The following NEXN variants were observed in gnomAD, a reference collection of about 807,000 sequenced individuals.
The protein encoded by NEXN is nexilin F-actin binding protein, also known as nexilin.
Under a neutral mutation model 92.6 loss-of-function variants are expected in NEXN, and 65 were observed. The ratio of observed to expected loss-of-function variants is 0.70; its 90% CI spans 0.57 to 0.86. The LOEUF (loss-of-function observed/expected upper bound fraction) is 0.86. NEXN is among the 40% of genes least tolerant of loss of function. The probability of loss-of-function intolerance (pLI) is 0.00; values close to 1 mark genes in which losing one functional copy is unlikely to be tolerated. For missense variants in NEXN, 778 were observed against 771.1 expected (o/e 1.01, Z -0.11); for synonymous variants, 254 against 242.5 (o/e 1.05, Z -0.44).
Position 77,942,058 on chromosome 1 carries a change from C to G in NEXN, c.1509C>G (p.Ser503Arg), listed in dbSNP as rs757578397. 1 of 1,613,292 alleles carries G rather than the reference C, an allele frequency of 6.2e-7. No homozygotes were observed. The highest frequency in any genetic ancestry group is 8.5e-7 in the Non-Finnish European group (1 of 1,179,502). ...DDVDVRPARK[S>R]EAPFTHKVNM... ...TTGATGTTAGGCCTGCAAGAAAAAG[C>G]GAGGCTCCATTTACTCACAAAGTGA... The change falls in exon 12 of 13, where the codon AGC (serine) becomes AGG (arginine). Residue 503 changes from serine to arginine, a missense_variant. This residue lies in a region of NEXN where 532 missense variants were observed against 476.7 expected (regional missense o/e 1.12). Coordinates refer to ENST00000334785, the MANE Select transcript of NEXN (RefSeq NM_144573.4).
intron 10 of NEXN, among the ~76,000 whole-genome samples, chr1:77,934,306 C>T (rs1246535046): frequency 6.6e-6 from 1 of 152,042 alleles, no homozygotes; most frequent in East Asian, 1.9e-4. Context: ...CCACCGCACC[C>T]GGCCTTTTTG....
At chr1:77,902,289 T>C (rs1030449939) in intron 1 of NEXN, among the ~76,000 whole-genome samples, 17 of 152,220 alleles carry the variant, frequency 1.1e-4, no homozygotes, top group Non-Finnish European at 2.1e-4. Flanking sequence ...GTTTCAGAAC[T>C]TTCCTTTAAC....
chr1:77,916,289 C>G (rs1237859526), intron 2 of NEXN, among the ~76,000 whole-genome samples, 156 bp downstream of exon 2: 1 of 152,050 alleles, frequency 6.6e-6, no homozygotes, highest in Non-Finnish European at 1.5e-5. Flanking sequence ...ATACAATTCA[C>G]CAGCTGGTCT....
At chr1:77,940,053 G>A (rs1651130174) in intron 11 of NEXN, among the ~76,000 whole-genome samples, 1 of 152,146 alleles carries the variant, frequency 6.6e-6, no homozygotes, top group South Asian at 2.1e-4. Flanking sequence ...CAGCCTGGGT[G>A]ACACAGCGAG....
At chr1:77,938,603 A>C (rs1415409283) in intron 11 of NEXN, among the ~76,000 whole-genome samples, 5 of 152,148 alleles carry the variant, frequency 3.3e-5, no homozygotes, top group Admixed American at 6.5e-5. Flanking sequence ...AAAAAAAAAA[A>C]AAAAGTTCAG....
intron 7 of NEXN, 33 bp from the exon 8 acceptor site, chr1:77,926,683 A>G: frequency 6.2e-7 from 1 of 1,613,864 alleles, no homozygotes; most frequent in South Asian, 1.1e-5. Flanking sequence ...TTCCTTTATG[A>G]CTAAAAGGTG....
chr1:77,913,456 C>G (rs1648739063), intron 1 of NEXN, among the ~76,000 whole-genome samples: 2 of 151,572 alleles, frequency 1.3e-5, no homozygotes, highest in Non-Finnish European at 2.9e-5. Flanking sequence ...TAGGAGACAT[C>G]TCACTGAAGA....
chr1:77,920,657 T>G (rs1027544433), intron 5 of NEXN, among the ~76,000 whole-genome samples: 1,967 of 102,838 alleles, frequency 0.019, no homozygotes, highest in Admixed American at 0.024. Context: ...GGGGGGTGGG[T>G]GGGGATTAAT....
chr1:77,896,354 T>C (rs927577810), intron 1 of NEXN, among the ~76,000 whole-genome samples: 6 of 152,106 alleles, frequency 3.9e-5, no homozygotes, highest in African/African-American at 1.4e-4. Flanking sequence ...GTTTGTTTGT[T>C]TATTTCTCAT....
chr1:77,926,247 C>A (rs887369106), intron 6 of NEXN, among the ~76,000 whole-genome samples, 167 bp from the exon 7 acceptor site: 1 of 151,952 alleles, frequency 6.6e-6, no homozygotes, highest in African/African-American at 2.4e-5. Context: ...ACTCATAATG[C>A]ACAAAGAATT....
At chr1:77,917,231 T>C (rs535386350) in intron 2 of NEXN, among the ~76,000 whole-genome samples, 22 of 152,320 alleles carry the variant, frequency 1.4e-4, no homozygotes, top group Non-Finnish European at 2.4e-4. Context: ...ATAATGGAGT[T>C]AGACAATAAA....
In NEXN at chr1:77,916,636, A is replaced by G. The variant is rs75496494; in HGVS notation, c.27+503A>G. 3.6e-3 allele frequency among the ~76,000 whole-genome samples: 542 copies of G among 152,246 alleles called. 1 individual carries two copies. Among genetic ancestry groups the G allele is most frequent in the Non-Finnish European group, 5.6e-3 (378 of 68,004 alleles). Reference sequence around the variant, plus strand: ...TCAGAATTATAAAGTTAACCCTTAAATGGCCAATGACACATAATAGATTAT... The same window carrying G: ...TCAGAATTATAAAGTTAACCCTTAAGTGGCCAATGACACATAATAGATTAT... On this transcript the variant is annotated intron_variant, in intron 2 of 12. Coordinates refer to ENST00000334785, the MANE Select transcript of NEXN (RefSeq NM_144573.4).
At position 77,929,311 on chromosome 1, in the gene NEXN, G is replaced by A. The variant is rs727505353; in HGVS notation, c.865-5G>A. 66 of 1,579,658 alleles carry A rather than the reference G, an allele frequency of 4.2e-5. No homozygotes were observed. In the Middle Eastern group the frequency reaches 1.0e-3, roughly 24 times the overall value. On this transcript the variant is annotated splice_region_variant and splice_polypyrimidine_tract_variant and intron_variant, in intron 8 of 12. Coordinates refer to ENST00000334785, the MANE Select transcript of NEXN (RefSeq NM_144573.4). Reference sequence around the variant, plus strand: ...TTCTTAGTAATGAATTGTTTATTTGGTTAGGTAAATGAAGATGAGGAAAAC... The same window carrying A: ...TTCTTAGTAATGAATTGTTTATTTGATTAGGTAAATGAAGATGAGGAAAAC...
intron 1 of NEXN, among the ~76,000 whole-genome samples, chr1:77,897,773 C>T (rs1262111515): frequency 6.6e-6 from 1 of 152,208 alleles, no homozygotes; most frequent in Non-Finnish European, 1.5e-5. Context: ...ACTGTCTCAG[C>T]CCAAAATCTC....
chr1:77,928,413 T>C (rs970142477), intron 8 of NEXN, among the ~76,000 whole-genome samples: 3 of 151,904 alleles, frequency 2.0e-5, no homozygotes, highest in Non-Finnish European at 4.4e-5. Context: ...ATTATATATA[T>C]AAAAATTTAA....
chr1:77,932,773 T>C (rs1207064021), intron 9 of NEXN, among the ~76,000 whole-genome samples: 1 of 152,270 alleles, frequency 6.6e-6, no homozygotes, highest in African/African-American at 2.4e-5. Context: ...TTACATTTTC[T>C]AATAATTCTT....
At chr1:77,923,998 G>A (rs897058203) in intron 5 of NEXN, among the ~76,000 whole-genome samples, 2 of 151,502 alleles carry the variant, frequency 1.3e-5, no homozygotes, top group Non-Finnish European at 2.9e-5. Flanking sequence ...TTTAAATGAG[G>A]AGCTTTCCTA....
intron 5 of NEXN, among the ~76,000 whole-genome samples, chr1:77,919,582 A>AT (rs71075777): frequency 0.31 from 40,578 of 131,924 alleles, 7,051 homozygotes; most frequent in Non-Finnish European, 0.39. Context: ...CAGGTCAGTC[A>AT]TTTTTTTTTT....
chr1:77,908,312 C>A (rs560869341), intron 1 of NEXN, among the ~76,000 whole-genome samples: 1 of 151,692 alleles, frequency 6.6e-6, no homozygotes, highest in East Asian at 1.9e-4. Flanking sequence ...TGGGCTCAAG[C>A]GATTCTCCCA....
Sources: gnomAD v4.1 joint callset for allele counts (sites outside exome capture counted in the v4.1 genomes callset) on GRCh38, gnomAD v4.1.1 for gene constraint, gnomAD v4.1.1 regional missense constraint, MANE v1.5 for transcripts, NCBI Gene and HGNC (gene_info 2026-07-23, HGNC 2026-07-21) for gene names.